The following MGMT variants were observed in gnomAD, a reference collection of about 807,000 sequenced individuals.
MGMT encodes the protein methylated-DNA--protein-cysteine methyltransferase.
Under a neutral mutation model 15.9 loss-of-function variants are expected in MGMT, and 14 were observed. That is an observed-to-expected ratio of 0.88 (90% CI 0.58 to 1.37). The LOEUF is 1.37. MGMT is among the 40% of genes most tolerant of loss of function. The pLI is 0.00. For synonymous variants in MGMT, 130 were observed against 118.2 expected (o/e 1.10, Z -0.65); for missense variants, 282 against 268.1 (o/e 1.05, Z -0.36).
chr10:129,608,756 G>A (rs761178542), intron 2 of MGMT, among the ~76,000 whole-genome samples: 7 of 152,204 alleles, frequency 4.6e-5, no homozygotes, highest in Non-Finnish European at 8.8e-5. Context: ...TTTGGGAGGG[G>A]AGATGTGGAG....
At chr10:129,638,429 CAAAAAAAAAAA>C in intron 2 of MGMT, among the ~76,000 whole-genome samples, 2 of 61,786 alleles carry the variant, frequency 3.2e-5, no homozygotes, top group South Asian at 1.5e-3. Flanking sequence ...ACCAAAGAGG[CAAAAAAAAAAA>C]AAAAAGAAAA....
rs974665434 is a variant in MGMT at position 129,566,518 on chromosome 10, C to T, written c.125+30141C>T. 2.0e-5 allele frequency among the ~76,000 whole-genome samples: 3 copies of T among 152,152 alleles called. No homozygotes were observed. Among genetic ancestry groups the T allele is most frequent in the Admixed American group, 6.5e-5 (1 of 15,282 alleles). ...TCATTGTCCTCTCCCACTTCCTCCC[C>T]GAGCTTCCCATTCCGTGTCTCTCTG... On this transcript the variant is annotated intron_variant, in intron 2 of 4. Transcript: ENST00000651593. The surrounding 1 kb of genome is among the most constrained non-coding windows in gnomAD (Gnocchi z 4.1).
At chr10:129,511,541 T>C (rs1312997411) in intron 1 of MGMT, among the ~76,000 whole-genome samples, 2 of 152,244 alleles carry the variant, frequency 1.3e-5, no homozygotes, top group Admixed American at 6.5e-5. Context: ...AGTGAGCTTC[T>C]TGATGGTCAG....
At chr10:129,472,828 AG>A (rs1487418669) in intron 1 of MGMT, among the ~76,000 whole-genome samples, 1 of 152,280 alleles carries the variant, frequency 6.6e-6, no homozygotes, top group African/African-American at 2.4e-5. Flanking sequence ...GGTGCGTCTG[AG>A]GTCACAGTGC....
chr10:129,689,197 G>A (rs1056639328), intron 2 of MGMT, among the ~76,000 whole-genome samples: 9 of 152,142 alleles, frequency 5.9e-5, no homozygotes, highest in African/African-American at 1.7e-4. Context: ...CCAAAGTGCT[G>A]GGATTACAGG....
chr10:129,561,401 G>A (rs545013556), intron 2 of MGMT, among the ~76,000 whole-genome samples: 4 of 152,260 alleles, frequency 2.6e-5, no homozygotes, highest in East Asian at 1.9e-4. Context: ...GACCCCAGAC[G>A]AGGGGAGCAG....
At chr10:129,676,934 T>C (rs1847793042) in intron 2 of MGMT, among the ~76,000 whole-genome samples, 1 of 152,234 alleles carries the variant, frequency 6.6e-6, no homozygotes, top group African/African-American at 2.4e-5. Context: ...AGTTATTAAT[T>C]GGAGTCCTCA....
chr10:129,657,727 A>ACACACACCCC (rs1564750914), intron 2 of MGMT, among the ~76,000 whole-genome samples: 1 of 138,124 alleles, frequency 7.2e-6, no homozygotes, highest in African/African-American at 2.6e-5. Flanking sequence ...ACACACACAC[A>ACACACACCCC]CCCCCTCTCC....
rs1845726655 is a variant in MGMT, at chr10:129,515,296, C to T, written c.-12-20945C>T. On this transcript the variant is annotated intron_variant, in intron 1 of 4. Transcript: ENST00000651593. ...GGAGCAGCAGCTGCGGCCCTGGGAG[C>T]CCACAGTCCAGCCAGGAGGTGGTGA... 2.6e-5 allele frequency among the ~76,000 whole-genome samples: 4 copies of T among 152,216 alleles called. No homozygotes were observed. The South Asian group carries it at 8.3e-4, about 32-fold the overall frequency.
At chr10:129,590,912 A>G (rs962841887) in intron 2 of MGMT, among the ~76,000 whole-genome samples, 6 of 152,240 alleles carry the variant, frequency 3.9e-5, no homozygotes, top group African/African-American at 1.2e-4. Flanking sequence ...AAGGTGGTCA[A>G]ATTACCTTCG....
chr10:129,738,383 G>C (rs1290053906), intron 3 of MGMT, among the ~76,000 whole-genome samples: 1 of 152,228 alleles, frequency 6.6e-6, no homozygotes, highest in Non-Finnish European at 1.5e-5. Flanking sequence ...TGCGCTTCCG[G>C]AGTGAGGCAA....
intron 1 of MGMT, among the ~76,000 whole-genome samples, chr10:129,487,654 G>A (rs1219301466): frequency 1.3e-5 from 2 of 151,510 alleles, no homozygotes; most frequent in Non-Finnish European, 2.9e-5. Context: ...GTTTCTGTTG[G>A]GATTTCTTTT....
chr10:129,565,646 C>T (rs557012247), intron 2 of MGMT, among the ~76,000 whole-genome samples: 4 of 152,264 alleles, frequency 2.6e-5, no homozygotes, highest in South Asian at 2.1e-4. Flanking sequence ...ACAGGAGCCG[C>T]GTGAAAGTCT....
At chr10:129,639,098 A>G (rs1847297975) in intron 2 of MGMT, among the ~76,000 whole-genome samples, 1 of 152,212 alleles carries the variant, frequency 6.6e-6, no homozygotes, top group African/African-American at 2.4e-5. Context: ...TAGAAAATGA[A>G]CAGAATAAAC....
chr10:129,620,212 G>A (rs181036778), intron 2 of MGMT, among the ~76,000 whole-genome samples: 6 of 152,340 alleles, frequency 3.9e-5, no homozygotes, highest in Admixed American at 1.3e-4. Context: ...TGTTTTGATA[G>A]GGATTGTTTT....
At chr10:129,555,708 C>T (rs972968879) in intron 2 of MGMT, among the ~76,000 whole-genome samples, 1 of 150,876 alleles carries the variant, frequency 6.6e-6, no homozygotes, top group Non-Finnish European at 1.5e-5. Context: ...GAGTGAGACC[C>T]TGTCTCTAAA....
At chr10:129,603,854 C>G (rs1846854007) in intron 2 of MGMT, among the ~76,000 whole-genome samples, 1 of 152,128 alleles carries the variant, frequency 6.6e-6, no homozygotes, top group African/African-American at 2.4e-5. Context: ...TAAGATTACT[C>G]TGTAGTTTGC....
chr10:129,756,093 A>T (rs1410027662), intron 3 of MGMT, among the ~76,000 whole-genome samples: 42 of 152,258 alleles, frequency 2.8e-4, no homozygotes. Flanking sequence ...AAGGGCATCC[A>T]GACCCTTGGC....
At chr10:129,472,034 C>G (rs763371874) in intron 1 of MGMT, among the ~76,000 whole-genome samples, 2 of 152,198 alleles carry the variant, frequency 1.3e-5, no homozygotes, top group Non-Finnish European at 2.9e-5. Context: ...CAAACACACG[C>G]GAAGCACGGG....
Sources: allele counts gnomAD v4.1 joint callset (sites outside exome capture counted in the v4.1 genomes callset), GRCh38; gene constraint gnomAD v4.1.1; non-coding constraint Gnocchi (gnomAD v3.1); transcripts MANE v1.5; gene names NCBI Gene and HGNC (gene_info 2026-07-23, HGNC 2026-07-21).